The following RGL1 variants were observed in gnomAD, a reference collection of about 807,000 sequenced individuals.
RGL1 encodes ral guanine nucleotide dissociation stimulator like 1.
Under a neutral mutation model 95.2 loss-of-function variants are expected in RGL1, and 24 were observed. The observed-to-expected ratio is 0.25, with a 90% CI of 0.18 to 0.35. The LOEUF (loss-of-function observed/expected upper bound fraction) is 0.35, where lower values mean the gene tolerates loss of function less well. Ranked by LOEUF, RGL1 falls within the 10% of genes least tolerant of loss-of-function variation. The pLI, the probability that RGL1 is intolerant of heterozygous loss-of-function variation, is 1.00. For missense variants in RGL1, 715 were observed against 936.3 expected (o/e 0.76, Z 3.08); for synonymous variants, 329 against 344.9 (o/e 0.95, Z 0.51).
At chr1:183,885,240 G>A (rs1267111645) in intron 7 of RGL1, among the ~76,000 whole-genome samples, 2 of 152,034 alleles carry the variant, frequency 1.3e-5, no homozygotes, top group African/African-American at 4.8e-5. Context: ...TTGTATTCAC[G>A]ACAAGACTGA....
chr1:183,790,682 A>G (rs1336061210), intron 2 of RGL1, among the ~76,000 whole-genome samples: 4 of 152,224 alleles, frequency 2.6e-5, no homozygotes, highest in African/African-American at 7.2e-5. Context: ...TGCTTGGAAC[A>G]ATGTTAACTA....
chr1:183,779,730 G>A (rs1659799134), intron 2 of RGL1, among the ~76,000 whole-genome samples: 1 of 152,022 alleles, frequency 6.6e-6, no homozygotes, highest in Non-Finnish European at 1.5e-5. Context: ...TGTGGATTGT[G>A]TTGGAAACTT....
intron 1 of RGL1, among the ~76,000 whole-genome samples, chr1:183,689,707 C>T (rs1013843429): frequency 6.6e-6 from 1 of 152,138 alleles, no homozygotes; most frequent in Admixed American, 6.6e-5. Flanking sequence ...CTGATCACTG[C>T]ATAACATAGA....
chr1:183,717,815 G>C lies in RGL1; in HGVS notation c.-32-24311G>C, dbSNP rs373314249. On this transcript the variant is annotated intron_variant, in intron 1 of 18. Transcript: ENST00000304685. ...CTATGAAGAAGGTAAGCAGGAGGGT[G>C]GTCAAAGAAAGCCTCTCAGAGGAAG... is the stretch of plus-strand genomic sequence containing the variant. Among the ~76,000 whole-genome samples the C allele has an allele frequency of 9.9e-5, 15 of 152,136 alleles. No individual in the cohort carries two copies. The East Asian group carries it at 1.9e-3, about 20-fold the overall frequency.
rs566873451 is a variant in RGL1 at position 183,774,948 on chromosome 1, C to G, written c.133-31427C>G. On this transcript the variant is annotated intron_variant, in intron 2 of 18. Coordinates refer to the RGL1 transcript ENST00000304685. ...GAAGGTATCAAATAACTGAAACTCA[C>G]CAGATCACAGCATCCAGACAATGAG... 4.6e-5 allele frequency among the ~76,000 whole-genome samples: 7 copies of G among 152,280 alleles called. No homozygotes were observed. In the South Asian group the frequency reaches 1.2e-3, roughly 27 times the overall value.
intron 1 of RGL1, among the ~76,000 whole-genome samples, chr1:183,669,535 A>G (rs901373640): frequency 2.0e-5 from 3 of 152,112 alleles, no homozygotes; most frequent in Admixed American, 6.5e-5. Flanking sequence ...GTCTCTTCAG[A>G]TCTTTAAACT....
rs749680177 is a variant in RGL1, at chr1:183,648,178, T to C, written c.-33+11677T>C. On this transcript the variant is annotated intron_variant, in intron 1 of 18. Coordinates refer to the RGL1 transcript ENST00000304685. Reference sequence around the variant, plus strand: ...ACATGTGATCCTGAGACACCACTTATAAAGCTGTGGAGAACAGAATGCCAG... The same window carrying C: ...ACATGTGATCCTGAGACACCACTTACAAAGCTGTGGAGAACAGAATGCCAG... The C allele has an allele frequency of 2.5e-5, 41 of 1,614,070 alleles. No individual in the cohort carries two copies. The South Asian group carries it at 4.3e-4, about 17-fold the overall frequency.
At chr1:183,726,525 T>C (rs1656322028) in intron 1 of RGL1, among the ~76,000 whole-genome samples, 1 of 152,120 alleles carries the variant, frequency 6.6e-6, no homozygotes, top group Admixed American at 6.5e-5. Flanking sequence ...TTAAACAACC[T>C]TGATGAAATG....
Position 183,927,377 on chromosome 1 carries a change from C to T in RGL1, c.*1085C>T, listed in dbSNP as rs1669673697. On this transcript the variant is annotated 3_prime_UTR_variant, in exon 18 of 18. Transcript: ENST00000360851. ...TTTGAGCTTGTGAAAGATTTCTGAA[C>T]AGTGATTGTCCCGTTAATAGCCCCT... 1 of 152,388 alleles carries T rather than the reference C, an allele frequency of 6.6e-6. No individual in the cohort carries two copies. The highest frequency in any genetic ancestry group is 1.5e-5 in the Non-Finnish European group (1 of 68,028). 9.4% of individuals were successfully genotyped at this position (152,388 alleles called of 1,614,324 possible).
At chr1:183,686,244 A>G (rs1653575606) in intron 1 of RGL1, among the ~76,000 whole-genome samples, 1 of 152,210 alleles carries the variant, frequency 6.6e-6, no homozygotes, top group Admixed American at 6.5e-5. Context: ...GCAAGTTCAG[A>G]TATTAAAGTA....
At chr1:183,650,496 TC>T (rs1178541811) in intron 1 of RGL1, among the ~76,000 whole-genome samples, 1 of 152,082 alleles carries the variant, frequency 6.6e-6, no homozygotes, top group Non-Finnish European at 1.5e-5. Context: ...TGAGCCAACA[TC>T]CCACCACTGC....
At chr1:183,816,581 A>G (rs1365660954) in intron 2 of RGL1, among the ~76,000 whole-genome samples, 3 of 152,186 alleles carry the variant, frequency 2.0e-5, no homozygotes, top group Admixed American at 6.5e-5. Flanking sequence ...TACTCTGCCT[A>G]TGATTTTTGT....
At chr1:183,744,450 G>A (rs1319899128) in intron 2 of RGL1, among the ~76,000 whole-genome samples, 1 of 151,316 alleles carries the variant, frequency 6.6e-6, no homozygotes, top group Non-Finnish European at 1.5e-5. Context: ...TCACTCTTAG[G>A]TTTATGCCCT....
intron 1 of RGL1, among the ~76,000 whole-genome samples, chr1:183,723,295 A>C (rs527922053): frequency 6.6e-6 from 1 of 152,218 alleles, no homozygotes; most frequent in African/African-American, 2.4e-5. Flanking sequence ...CCTTGCAGGA[A>C]CACCAAATTT....
intron 2 of RGL1, among the ~76,000 whole-genome samples, chr1:183,778,910 A>G (rs142778098): frequency 2.3e-3 from 350 of 152,286 alleles, no homozygotes; most frequent in Middle Eastern, 0.01. Context: ...TAGGTGGAGC[A>G]GTTTCTGTAA....
intron 10 of RGL1, among the ~76,000 whole-genome samples, chr1:183,898,801 G>C (rs892946093): frequency 1.3e-5 from 2 of 152,210 alleles, no homozygotes; most frequent in African/African-American, 2.4e-5. Context: ...GTGAGTTCCT[G>C]AAGGACAAAA....
chr1:183,907,307 C>T (rs1206321024), intron 14 of RGL1, among the ~76,000 whole-genome samples: 1 of 152,190 alleles, frequency 6.6e-6, no homozygotes. Context: ...AATCACCATT[C>T]TCTCCTGCCT....
chr1:183,753,954 A>ATTTTT (rs11368833), intron 2 of RGL1, among the ~76,000 whole-genome samples: 2 of 147,292 alleles, frequency 1.4e-5, no homozygotes, highest in Non-Finnish European at 3.0e-5. Context: ...CAGTGGGTTC[A>ATTTTT]TTTTTTTTTT....
At chr1:183,692,145 A>G (rs1653981883) in intron 1 of RGL1, among the ~76,000 whole-genome samples, 1 of 152,150 alleles carries the variant, frequency 6.6e-6, no homozygotes. Context: ...TGGCAGATAC[A>G]TATATGGAGA....
Sources: gnomAD v4.1 joint callset for allele counts (sites outside exome capture counted in the v4.1 genomes callset) on GRCh38, gnomAD v4.1.1 for gene constraint, MANE v1.5 for transcripts, NCBI Gene and HGNC (gene_info 2026-07-23, HGNC 2026-07-21) for gene names.